TWF2: variants seen among roughly 807,000 people sequenced by gnomAD.
The protein encoded by TWF2 is twinfilin actin binding protein 2.
Under a neutral mutation model 45.1 loss-of-function variants are expected in TWF2, and 15 were observed. That is an observed-to-expected ratio of 0.33 (90% CI 0.22 to 0.51). The LOEUF is 0.51. Among genes scored for constraint, TWF2 ranks in the 20% least tolerant of loss-of-function variants. The probability of loss-of-function intolerance (pLI) is 0.97; values close to 1 mark genes in which losing one functional copy is unlikely to be tolerated. For missense variants in TWF2, 423 were observed against 469.1 expected, an observed-to-expected ratio of 0.90 and a Z score of 0.91; for synonymous variants, 177 against 195.8, an observed-to-expected ratio of 0.90 and a Z score of 0.80.
At position 52,230,086 on chromosome 3, in the gene TWF2, G is replaced by C; in HGVS notation, c.610-16C>G. ...GGTCCAGCTTCTGCCCAGGGCCAAG[G>C]GAAGATGGGAGAGCACCAGGTCGGG... On this transcript the variant is annotated splice_polypyrimidine_tract_variant and intron_variant, in intron 6 of 8. Coordinates refer to ENST00000305533, the MANE Select transcript of TWF2 (RefSeq NM_007284.4). 6.4e-7 allele frequency: 1 copy of C among 1,564,020 alleles called. No homozygotes were observed. Among genetic ancestry groups the C allele is most frequent in the African/African-American group, 1.3e-5 (1 of 74,586 alleles).
rs1016522680 is a variant in TWF2 at position 52,229,082 on chromosome 3, G to A, written c.1002C>T (p.Gly334=). 6.2e-7 allele frequency: 1 copy of A among 1,612,912 alleles called. No homozygotes were observed. Among genetic ancestry groups the A allele is most frequent in the Non-Finnish European group, 8.5e-7 (1 of 1,180,026 alleles). The change falls in exon 9 of 9, where the codon GGC becomes GGT. Residue 334 remains glycine (G), a synonymous_variant. Coordinates refer to ENST00000305533, the MANE Select transcript of TWF2 (RefSeq NM_007284.4). ...CCGGGCCGCGGATGAGGCGCTTATGGCCCCGCTTGCCCCCTGGGCCCTTGG... is the reference window on the plus strand; with the variant it reads ...CCGGGCCGCGGATGAGGCGCTTATGACCCCGCTTGCCCCCTGGGCCCTTGG... ...AKPKGPGGKR[G]HKRLIRGPGE... is the part of the protein sequence containing the mutation.
intron 7 of TWF2, 67 bp from the exon 8 acceptor site, chr3:52,229,849 G>C: frequency 6.3e-7 from 1 of 1,595,802 alleles, no homozygotes; most frequent in East Asian, 2.2e-5. Context: ...CCCAGAGCAG[G>C]CCTGCCCCAC....
At chr3:52,234,085 C>T (rs1207559226) in intron 2 of TWF2, among the ~76,000 whole-genome samples, 1 of 152,090 alleles carries the variant, frequency 6.6e-6, no homozygotes, top group African/African-American at 2.4e-5. Context: ...CCTGCCCAGT[C>T]TCTGAGGGCA....
chr3:52,236,954 AAAT>A (rs1699731072), intron 1 of TWF2, among the ~76,000 whole-genome samples: 1 of 152,138 alleles, frequency 6.6e-6, no homozygotes, highest in African/African-American at 2.4e-5. Flanking sequence ...TATAAAATGG[AAAT>A]AATAGCCCCA....
At position 52,230,016 on chromosome 3, in the gene TWF2, C is replaced by T. The variant is rs750791166; in HGVS notation, c.664G>A (p.Val222Met). ...IELVHTEPTDVAQLPSRVPRD... is the reference protein window; with the variant it reads ...IELVHTEPTDMAQLPSRVPRD... Reference sequence around the variant, plus strand: ...GGCACCCGGGAGGGCAGCTGGGCCACATCCGTGGGCTCTGTGTGCACCAGC... The same window carrying T: ...GGCACCCGGGAGGGCAGCTGGGCCATATCCGTGGGCTCTGTGTGCACCAGC... Residue 222 changes from valine (V) to methionine (M), a missense_variant, in exon 7 of 9, where the codon GTG (valine) becomes ATG (methionine). Physicochemically the swap from Val to Met is conservative, Grantham distance 21. Coordinates refer to ENST00000305533, the MANE Select transcript of TWF2 (RefSeq NM_007284.4). 10 of 1,610,954 alleles carry T rather than the reference C, an allele frequency of 6.2e-6. No homozygotes were observed. The highest frequency in any genetic ancestry group is 8.5e-6 in the Non-Finnish European group (10 of 1,179,668).
At chr3:52,232,271 G>C in intron 2 of TWF2, 149 bp from the exon 3 acceptor site, 1 of 1,035,180 alleles carries the variant, frequency 9.7e-7, no homozygotes, top group East Asian at 2.7e-5. Context: ...AGAAGTGTGA[G>C]GCTGTGTGGC....
At chr3:52,229,265 G>A in intron 8 of TWF2, 64 bp from the exon 9 acceptor site, 5 of 1,579,682 alleles carry the variant, frequency 3.2e-6, no homozygotes, top group South Asian at 1.1e-5. Flanking sequence ...ACCCCTGGTA[G>A]CCCCCACTCC....
intron 7 of TWF2, 50 bp downstream of exon 7, chr3:52,229,870 C>A (rs1038727248): frequency 6.3e-7 from 1 of 1,595,442 alleles, no homozygotes; most frequent in African/African-American, 1.3e-5. Context: ...TGCAGACCAG[C>A]CCTGCTCCCA....
intron 1 of TWF2, among the ~76,000 whole-genome samples, chr3:52,237,374 C>A (rs1699737203): frequency 6.6e-6 from 1 of 152,232 alleles, no homozygotes; most frequent in Non-Finnish European, 1.5e-5. Context: ...GTCAGCAGAT[C>A]CACACCTATG....
intron 8 of TWF2, 110 bp from the exon 9 acceptor site, chr3:52,229,311 G>T: frequency 7.2e-7 from 1 of 1,394,416 alleles, no homozygotes; most frequent in Non-Finnish European, 9.5e-7. Flanking sequence ...TAGCCCTGGG[G>T]TCTCCTGAGG....
chr3:52,239,084 T>C lies in TWF2; in HGVS notation c.-68A>G. 6 of 1,555,288 alleles carry C rather than the reference T, an allele frequency of 3.9e-6. No individual in the cohort carries two copies. The highest frequency in any genetic ancestry group is 2.3e-5 in the East Asian group (1 of 42,912). ...TTGACCCTGGCCCGGCAACGCTCGC[T>C]GGACCAAGAGAGGTGGAGGATGTGG... On this transcript the variant is annotated 5_prime_UTR_variant, in exon 1 of 9. Transcript: ENST00000305533.
intron 2 of TWF2, among the ~76,000 whole-genome samples, chr3:52,233,224 G>A (rs1360619946): frequency 6.6e-6 from 1 of 152,180 alleles, no homozygotes; most frequent in Non-Finnish European, 1.5e-5. Flanking sequence ...TGGGGGTCCT[G>A]GTGTCAGTCC....
Position 52,235,059 on chromosome 3 carries a change from C to A in TWF2, c.73G>T (p.Val25Leu). ...EFFAKARAGSVRLIKVVIEDE... is the reference protein window; with the variant it reads ...EFFAKARAGSLRLIKVVIEDE... ...TCAATCACAACCTTGATGAGCCGCA[C>A]AGAGCCAGCCCGTGCCTTGGCAAAG... Residue 25 changes from valine (V) to leucine (L), a missense_variant, in exon 2 of 9, where the codon GTG becomes TTG. Physicochemically the swap from Val to Leu is conservative, Grantham distance 32 (BLOSUM62 1). Coordinates refer to ENST00000305533, the MANE Select transcript of TWF2 (RefSeq NM_007284.4). 5 of 1,613,998 alleles carry A rather than the reference C, an allele frequency of 3.1e-6. No individual in the cohort carries two copies. The highest frequency in any genetic ancestry group is 4.2e-6 in the Non-Finnish European group (5 of 1,180,038).
At chr3:52,231,673 A>T in intron 3 of TWF2, 134 bp from the exon 4 acceptor site, 1 of 1,092,648 alleles carries the variant, frequency 9.2e-7, no homozygotes, top group Non-Finnish European at 1.3e-6. Context: ...CGGGGCCAGG[A>T]CGCAGCAGGT....
rs777225765 is a variant in TWF2, at chr3:52,235,006, C to A, written c.103+23G>T. 2.1e-5 allele frequency: 34 copies of A among 1,612,400 alleles called. No homozygotes were observed. In the Admixed American group the frequency reaches 5.3e-4, roughly 25 times the overall value. ...GCAGAGTCCACCCCCAAGCCTATAC[C>A]CTGGCCTGTGAGGGGCACTCACCGT... On this transcript the variant is annotated intron_variant, in intron 2 of 8. Coordinates refer to ENST00000305533, the MANE Select transcript of TWF2 (RefSeq NM_007284.4).
At chr3:52,229,320 G>T in intron 8 of TWF2, 119 bp from the exon 9 acceptor site, 1 of 1,388,172 alleles carries the variant, frequency 7.2e-7, no homozygotes, top group South Asian at 1.4e-5. Flanking sequence ...GGTCTCCTGA[G>T]GTCTCCCCTT....
Position 52,230,046 on chromosome 3 carries a change from T to C in TWF2, c.634A>G (p.Ile212Val), listed in dbSNP as rs1240933958. The change falls in exon 7 of 9, where the codon ATT becomes GTT. Residue 212 changes from isoleucine to valine, a missense_variant. By Grantham distance (29) the Ile-to-Val change is conservative (BLOSUM62 3). Transcript: ENST00000305533. ...GTGGGCTCTGTGTGCACCAGCTCAATGGTTTCCCGCTCTAGGTCCAGCTTC... is the reference window on the plus strand; with the variant it reads ...GTGGGCTCTGTGTGCACCAGCTCAACGGTTTCCCGCTCTAGGTCCAGCTTC... ...QMKLDLERET[I>V]ELVHTEPTDV... The C allele has an allele frequency of 6.2e-7, 1 of 1,602,618 alleles. No homozygotes were observed. Among genetic ancestry groups the C allele is most frequent in the Non-Finnish European group, 8.5e-7 (1 of 1,175,894 alleles).
At chr3:52,233,846 G>A (rs370549162) in intron 2 of TWF2, among the ~76,000 whole-genome samples, 13 of 150,866 alleles carry the variant, frequency 8.6e-5, no homozygotes, top group African/African-American at 2.7e-4. Context: ...CCCGGGAGGC[G>A]GAGCTTGCAG....
chr3:52,232,317 C>A, intron 2 of TWF2, 195 bp from the exon 3 acceptor site: 2 of 687,566 alleles, frequency 2.9e-6, no homozygotes, highest in South Asian at 2.0e-5. Context: ...AAAGCTGCCA[C>A]CTGGGGGCTG....
Sources: gnomAD v4.1 joint callset for allele counts (sites outside exome capture counted in the v4.1 genomes callset) on GRCh38, gnomAD v4.1.1 for gene constraint, MANE v1.5 for transcripts, NCBI Gene and HGNC (gene_info 2026-07-23, HGNC 2026-07-21) for gene names.